Variants in OTP observed in about 807,000 individuals in gnomAD.
OTP encodes the protein orthopedia homeobox.
Under a neutral mutation model 22.3 loss-of-function variants are expected in OTP, and 5 were observed. The observed-to-expected ratio is 0.22, with a 90% CI of 0.12 to 0.47. OTP has a LOEUF of 0.47. Ranked by LOEUF, OTP falls within the 20% of genes least tolerant of loss-of-function variation. The pLI is 0.99. For synonymous variants in OTP, 229 were observed against 210.6 expected (o/e 1.09, Z -0.76); for missense variants, 428 against 456.2 (o/e 0.94, Z 0.56).
intron 2 of OTP, among the ~76,000 whole-genome samples, chr5:77,632,436 T>G (rs1744946196): frequency 6.6e-6 from 1 of 152,156 alleles, no homozygotes; most frequent in South Asian, 2.1e-4. Flanking sequence ...TTGACCACGA[T>G]ATCCGTGGAA....
At chr5:77,638,402 A>T in intron 1 of OTP, 111 bp downstream of exon 1, 1 of 1,038,884 alleles carries the variant, frequency 9.6e-7, no homozygotes, top group Non-Finnish European at 1.5e-6. Context: ...CAGCACAATT[A>T]CTTTTAAAGA....
At chr5:77,635,089 AT>A (rs59649051) in intron 2 of OTP, among the ~76,000 whole-genome samples, 2,113 of 152,222 alleles carry the variant, frequency 0.014, 43 homozygotes, top group African/African-American at 0.048. Flanking sequence ...ATTATATTTT[AT>A]TTGTGATTCT....
Position 77,638,598 on chromosome 5 carries a change from TTTAAG to T in OTP, c.-54_-50del, listed in dbSNP as rs1459344886. 5 of 1,490,298 alleles carry T rather than the reference TTTAAG, an allele frequency of 3.4e-6. 1 individual carries two copies. The highest frequency in any genetic ancestry group is 2.6e-5 in the South Asian group (2 of 76,194). The allele number at this position is 1,490,298 out of a possible 1,614,324, so 92.3% of individuals were successfully genotyped here. A position where few individuals can be genotyped will look rare whatever the true frequency, so the allele number is the denominator to read the frequency against. On this transcript the variant is annotated 5_prime_UTR_variant, in exon 1 of 3. Coordinates refer to ENST00000306422, the MANE Select transcript of OTP (RefSeq NM_032109.3). ...CTGTTCCCCCCCAAATTTTAGCGGCTTTAAGTTATTTAAAATAGATATAAGCTATA... is the reference window on the plus strand; with the variant it reads ...CTGTTCCCCCCCAAATTTTAGCGGCTTTATTTAAAATAGATATAAGCTATA...
chr5:77,634,484 T>C (rs1166845472), intron 2 of OTP, among the ~76,000 whole-genome samples: 1 of 151,978 alleles, frequency 6.6e-6, no homozygotes, highest in Non-Finnish European at 1.5e-5. Flanking sequence ...TCAAAAAGCA[T>C]CTTTAAAAAT....
intron 2 of OTP, 165 bp downstream of exon 2, chr5:77,636,656 G>C: frequency 3.1e-6 from 2 of 643,388 alleles, no homozygotes; most frequent in Non-Finnish European, 5.2e-6. Flanking sequence ...GGATGGCGAT[G>C]GGGACCAGTT....
In OTP at chr5:77,637,163, GC is replaced by G; in HGVS notation, c.104del (p.Gly35AlafsTer41). 2 of 1,575,772 alleles carry G rather than the reference GC, an allele frequency of 1.3e-6. No homozygotes were observed. Among genetic ancestry groups the G allele is most frequent in the Admixed American group, 1.9e-5 (1 of 53,530 alleles). On this transcript the variant is annotated frameshift_variant, in exon 2 of 3. Coordinates refer to ENST00000306422, the MANE Select transcript of OTP (RefSeq NM_032109.3). LOFTEE classifies it high-confidence loss of function. ...CCCCCGGATGGCCCCCGGGGTCGGA[GC>G]CCCCCACGCCCAGCCTACACTTCAC... is the stretch of plus-strand genomic sequence containing the variant. ...EAVKCRLGVG[G>X]SDPGGHPGDL...
chr5:77,631,505 G>C (rs1296674780), intron 2 of OTP, among the ~76,000 whole-genome samples: 1 of 147,842 alleles, frequency 6.8e-6, no homozygotes, highest in Non-Finnish European at 1.5e-5. Flanking sequence ...TGTCTGGGCT[G>C]TACGAGTGGC....
chr5:77,631,411 A>G (rs1744926963), intron 2 of OTP, among the ~76,000 whole-genome samples: 2 of 152,094 alleles, frequency 1.3e-5, no homozygotes, highest in South Asian at 4.2e-4. Context: ...GGTCACCACC[A>G]TGACTTCCGA....
At position 77,630,650 on chromosome 5, in the gene OTP, T is replaced by G. The variant is rs977909815; in HGVS notation, c.592A>C (p.Ser198Arg). 1.3e-6 allele frequency: 2 copies of G among 1,576,034 alleles called. No homozygotes were observed. The highest frequency in any genetic ancestry group is 1.3e-5 in the African/African-American group (1 of 74,476). ...TCGTTGGCGTGGAAAGAGCACAGGC[T>G]GTCGCCCATGGCGGCGGCAGCGGCG... ...AAAAAAAMGD[S>R]LCSFHANDTR... The change falls in exon 3 of 3, where the codon AGC (serine) becomes CGC (arginine). Residue 198 changes from serine to arginine, a missense_variant. Physicochemically the swap from Ser to Arg is moderately radical, Grantham distance 110. Around this residue, in one of 3 missense-constraint regions of OTP, gnomAD observed 236 missense variants for 238.1 expected, o/e 0.99. Coordinates refer to ENST00000306422, the MANE Select transcript of OTP (RefSeq NM_032109.3).
At position 77,636,886 on chromosome 5, in the gene OTP, AGT is replaced by A. The variant is rs1384073595; in HGVS notation, c.380_381del (p.His127LeufsTer8). ...TCCTCACGCATAAAGATGTCGGGGT[AGT>A]GAGTCTTGGCGAAGCTCCTCTCCAA... ...NELERSFAKT[H>X]YPDIFMREEL... is the part of the protein sequence containing the mutation. On this transcript the variant is annotated frameshift_variant, in exon 2 of 3. Transcript: ENST00000306422. LOFTEE classifies it high-confidence loss of function. 6.2e-7 allele frequency: 1 copy of A among 1,614,120 alleles called. No homozygotes were observed. Among genetic ancestry groups the A allele is most frequent in the Non-Finnish European group, 8.5e-7 (1 of 1,180,004 alleles).
intron 2 of OTP, among the ~76,000 whole-genome samples, chr5:77,632,032 A>G (rs1401107946): frequency 6.6e-6 from 1 of 152,212 alleles, no homozygotes; most frequent in Admixed American, 6.5e-5. Flanking sequence ...AATTTTGCTC[A>G]GACAAACCCA....
chr5:77,638,676 C>G lies in OTP; in HGVS notation c.-127G>C. 1 of 931,300 alleles carries G rather than the reference C, an allele frequency of 1.1e-6. No individual in the cohort carries two copies. The highest frequency in any genetic ancestry group is 1.5e-6 in the Non-Finnish European group (1 of 664,292). 57.7% of individuals were successfully genotyped at this position (931,300 alleles called of 1,614,324 possible). On this transcript the variant is annotated 5_prime_UTR_variant, in exon 1 of 3. Coordinates refer to ENST00000306422, the MANE Select transcript of OTP (RefSeq NM_032109.3). ...TAGATCACCTAAATGAAAGAAAATT[C>G]GGTTTGTGGTTAAAAAGGGGGCTTC...
chr5:77,637,131 G>T lies in OTP; in HGVS notation c.137C>A (p.Ala46Glu), dbSNP rs751301892. 2 of 1,605,714 alleles carry T rather than the reference G, an allele frequency of 1.2e-6. No individual in the cohort carries two copies. Among genetic ancestry groups the T allele is most frequent in the South Asian group, 1.1e-5 (1 of 90,092 alleles). Residue 46 changes from alanine to glutamate, a missense_variant, in exon 2 of 3, where the codon GCG (alanine) becomes GAG (glutamate). Coordinates refer to ENST00000306422, the MANE Select transcript of OTP (RefSeq NM_032109.3). ...SDPGGHPGDL[A>E]PNSDPVEGAT... ...TCCCTCCACTGGGTCAGAGTTGGGC[G>T]CCAGGTCCCCCGGATGGCCCCCGGG...
chr5:77,633,128 G>A (rs1432067754), intron 2 of OTP, among the ~76,000 whole-genome samples: 1 of 152,206 alleles, frequency 6.6e-6, no homozygotes, highest in Admixed American at 6.5e-5. Context: ...GAGAGGGAGT[G>A]TGAGGGAAGG....
rs776036160 is a variant in OTP at position 77,637,059 on chromosome 5, G to T, written c.209C>A (p.Pro70Gln). The stretch of plus-strand genomic sequence containing the variant: ...TTTGGCGCTCACCGCCAGCGAGGCC[G>T]GAGTAGAGCCCACTGTGGTGATGTC... ...GEDITTVGSTPASLAVSAKDP... is the reference protein window; with the variant it reads ...GEDITTVGSTQASLAVSAKDP... The change falls in exon 2 of 3, where the codon CCG becomes CAG. Residue 70 changes from proline (P) to glutamine (Q), a missense_variant. Physicochemically the swap from Pro to Gln is moderately conservative, Grantham distance 76 (BLOSUM62 -1). This residue lies in a region of OTP where 176 missense variants were observed against 162.9 expected (regional missense o/e 1.08). Transcript: ENST00000306422. 6.2e-7 allele frequency: 1 copy of T among 1,613,164 alleles called. No homozygotes were observed. The highest frequency in any genetic ancestry group is 1.1e-5 in the South Asian group (1 of 91,038).
chr5:77,636,517 G>A (rs887813342), intron 2 of OTP: 1 of 340,220 alleles, frequency 2.9e-6, no homozygotes, highest in South Asian at 7.4e-5. Flanking sequence ...GCCCGGGGGG[G>A]CGCTGAGGTT....
chr5:77,637,660 C>G (rs372610939), intron 1 of OTP, among the ~76,000 whole-genome samples: 53 of 152,230 alleles, frequency 3.5e-4, no homozygotes, highest in Non-Finnish European at 4.0e-4. Flanking sequence ...GCCTGACGAA[C>G]TGTACCTCCG....
Position 77,630,485 on chromosome 5 carries a change from A to G in OTP, c.757T>C (p.Ser253Pro). 6.3e-7 allele frequency: 1 copy of G among 1,593,840 alleles called. No individual in the cohort carries two copies. ...AGPPPNSMGLSNSLAGSNGAG... is the reference protein window; with the variant it reads ...AGPPPNSMGLPNSLAGSNGAG... ...CCGTTGGAACCCGCCAGGCTGTTGG[A>G]CAGGCCCATGGAGTTGGGCGGCGGA... is the stretch of plus-strand genomic sequence containing the variant. The change falls in exon 3 of 3, where the codon TCC becomes CCC. Residue 253 changes from serine (S) to proline (P), a missense_variant. Physicochemically the swap from Ser to Pro is moderately conservative, Grantham distance 74. Around this residue, in one of 3 missense-constraint regions of OTP, gnomAD observed 236 missense variants for 238.1 expected, o/e 0.99. Coordinates refer to ENST00000306422, the MANE Select transcript of OTP (RefSeq NM_032109.3).
In OTP at chr5:77,630,420, G is replaced by T; in HGVS notation, c.822C>A (p.Pro274=). 1 of 1,580,734 alleles carries T rather than the reference G, an allele frequency of 6.3e-7. No homozygotes were observed. Among genetic ancestry groups the T allele is most frequent in the East Asian group, 2.3e-5 (1 of 43,670 alleles). ...LQSHLYQPAF[P]GMVPASLPGP... Reference sequence around the variant, plus strand: ...CGGGGAGGGAGGCGGGCACCATGCCGGGGAAGGCGGGCTGGTAGAGGTGCG... The same window carrying T: ...CGGGGAGGGAGGCGGGCACCATGCCTGGGAAGGCGGGCTGGTAGAGGTGCG... The change falls in exon 3 of 3, where the codon CCC becomes CCA. Residue 274 remains proline, a synonymous_variant. Transcript: ENST00000306422.
Sources: gnomAD v4.1 joint callset for allele counts (sites outside exome capture counted in the v4.1 genomes callset) on GRCh38, gnomAD v4.1.1 for gene constraint, gnomAD v4.1.1 regional missense constraint, MANE v1.5 for transcripts, NCBI Gene and HGNC (gene_info 2026-07-23, HGNC 2026-07-21) for gene names.